Variants in ZNF536 observed in about 807,000 individuals in gnomAD.
The protein encoded by ZNF536 is zinc finger protein 536.
A neutral mutation model predicts 84.5 loss-of-function variants in ZNF536; 13 were observed. The ratio of observed to expected loss-of-function variants is 0.15; its 90% CI spans 0.10 to 0.24. The LOEUF is 0.24. Among genes scored for constraint, ZNF536 ranks in the 10% least tolerant of loss-of-function variants. ZNF536 has a pLI of 1.00. For missense variants in ZNF536, 1,536 were observed against 1,747.5 expected, an observed-to-expected ratio of 0.88 and a Z score of 2.16; for synonymous variants, 811 against 742.5, an observed-to-expected ratio of 1.09 and a Z score of -1.50.
At position 30,249,380 on chromosome 19, in the gene ZNF536, G is replaced by GGGA. The variant is rs1451688827; in HGVS notation, c.-190+20720_-190+20722dup. On this transcript the variant is annotated intron_variant, in intron 1 of 5. Transcript: ENST00000585628. ...GAGGGGGAGGGGGACAAGGAGGAGG[G>GGGA]GGAGGAGGAGGAGGATATTTTAACA... Among the ~76,000 whole-genome samples, 388 of 150,386 alleles carry GGGA rather than the reference G, an allele frequency of 2.6e-3. 4 individuals are homozygous for GGGA. Among genetic ancestry groups the GGGA allele is most frequent in the African/African-American group, 8.8e-3 (363 of 41,038 alleles).
At chr19:30,456,059 G>A (rs1285676965) in intron 2 of ZNF536, among the ~76,000 whole-genome samples, 2 of 152,204 alleles carry the variant, frequency 1.3e-5, no homozygotes, top group African/African-American at 2.4e-5. Context: ...ATAAATAAGA[G>A]TGTGATGGTA....
intron 1 of ZNF536, among the ~76,000 whole-genome samples, chr19:30,686,712 T>A (rs2051200296): frequency 6.6e-6 from 1 of 152,194 alleles, no homozygotes; most frequent in African/African-American, 2.4e-5. Context: ...TGAGCTCCTC[T>A]GTCATCTCTC....
chr19:30,317,502 C>T (rs533183405), intron 2 of ZNF536, among the ~76,000 whole-genome samples: 1 of 152,292 alleles, frequency 6.6e-6, no homozygotes, highest in East Asian at 1.9e-4. Context: ...TCCAGCGGCC[C>T]GAGGAGTGGG....
At chr19:30,391,342 C>T (rs8108390) in intron 1 of ZNF536, among the ~76,000 whole-genome samples, 14,369 of 152,172 alleles carry the variant, frequency 0.094, 2,260 homozygotes, top group African/African-American at 0.32. Flanking sequence ...TTTGGGAGGC[C>T]GAGGTGGGTC....
intron 2 of ZNF536, among the ~76,000 whole-genome samples, chr19:30,298,947 A>G (rs1452438632): frequency 6.6e-6 from 1 of 152,172 alleles, no homozygotes; most frequent in East Asian, 1.9e-4. Context: ...CCAATTCTGA[A>G]GTTGTAGCAC....
chr19:30,355,735 G>A (rs1174153192), intron 3 of ZNF536, among the ~76,000 whole-genome samples: 2 of 152,068 alleles, frequency 1.3e-5, no homozygotes, highest in Non-Finnish European at 2.9e-5. Context: ...TACTGCCTGA[G>A]CTCCACCTCC....
rs201509744 is a variant in ZNF536, at chr19:30,352,919, CAA to C, written c.-3+436_-3+437del. Among the ~76,000 whole-genome samples, 945 of 152,298 alleles carry C rather than the reference CAA, an allele frequency of 6.2e-3. 2 individuals are homozygous for C. Among genetic ancestry groups the C allele is most frequent in the Middle Eastern group, 0.034 (10 of 294 alleles). ...GCTGTTATTTTGAGTAGTTTTGATACAACCAAATCAAAGTGAAGATTTGAAAT... is the reference window on the plus strand; with the variant it reads ...GCTGTTATTTTGAGTAGTTTTGATACCCAAATCAAAGTGAAGATTTGAAAT... On this transcript the variant is annotated intron_variant, in intron 3 of 5. Coordinates refer to the ZNF536 transcript ENST00000585628.
At chr19:30,701,206 C>T (rs1473989131) in intron 1 of ZNF536, among the ~76,000 whole-genome samples, 1 of 151,828 alleles carries the variant, frequency 6.6e-6, no homozygotes, top group Non-Finnish European at 1.5e-5. Context: ...CACACACACA[C>T]ACACACACAC....
intron 1 of ZNF536, among the ~76,000 whole-genome samples, chr19:30,409,183 C>T (rs1045710978): frequency 2.0e-5 from 3 of 152,182 alleles, no homozygotes; most frequent in Non-Finnish European, 4.4e-5. Context: ...ACATTCATCT[C>T]TGGTATGTAG....
Position 30,548,902 on chromosome 19 carries a change from G to T in ZNF536, c.3283G>T (p.Ala1095Ser), listed in dbSNP as rs774780132. Residue 1095 changes from alanine to serine, a missense_variant, in exon 4 of 5, where the codon GCA becomes TCA. Ala to Ser is a moderately conservative substitution (Grantham distance 99, BLOSUM62 1). Around this residue, in one of 8 missense-constraint regions of ZNF536, gnomAD observed 624 missense variants for 603.1 expected, o/e 1.03. Transcript: ENST00000355537. Reference protein sequence around the residue: ...KETLGEQKSGAWTGHVDPAFC... With the variant: ...KETLGEQKSGSWTGHVDPAFC... The stretch of plus-strand genomic sequence containing the variant: ...GACTCTGGGAGAGCAGAAGAGCGGT[G>T]CATGGACCGGCCACGTGGACCCTGC... 6.2e-7 allele frequency: 1 copy of T among 1,614,132 alleles called. No individual in the cohort carries two copies. Among genetic ancestry groups the T allele is most frequent in the East Asian group, 2.2e-5 (1 of 44,858 alleles).
rs2146197370 is a variant in ZNF536, at chr19:30,548,351, G to T, written c.2732G>T (p.Gly911Val). 1.2e-6 allele frequency: 2 copies of T among 1,614,010 alleles called. No individual in the cohort carries two copies. The change falls in exon 4 of 5, where the codon GGT becomes GTT. Residue 911 changes from glycine to valine, a missense_variant. Gly to Val is a moderately radical substitution (Grantham distance 109). Around this residue, in one of 8 missense-constraint regions of ZNF536, gnomAD observed 624 missense variants for 603.1 expected, o/e 1.03. Coordinates refer to ENST00000355537, the MANE Select transcript of ZNF536 (RefSeq NM_014717.3). ...GCTTATCAAAGCATTGTGAGCAACG[G>T]TGTGAATTTCCAAGGGTCCTTGCAA... ...GRAYQSIVSNGVNFQGSLQAF... is the reference protein window; with the variant it reads ...GRAYQSIVSNVVNFQGSLQAF...
intron 1 of ZNF536, among the ~76,000 whole-genome samples, chr19:30,416,068 C>A (rs1035678472): frequency 6.6e-5 from 10 of 152,166 alleles, no homozygotes; most frequent in African/African-American, 2.4e-4. Flanking sequence ...TCTTTCATGT[C>A]AGGAATTTGG....
intron 2 of ZNF536, among the ~76,000 whole-genome samples, chr19:30,328,412 C>A (rs1180916967): frequency 6.6e-6 from 1 of 152,228 alleles, no homozygotes; most frequent in East Asian, 1.9e-4. Flanking sequence ...AAGAGGAACT[C>A]ATGGGCCTCT....
intron 2 of ZNF536, among the ~76,000 whole-genome samples, chr19:30,338,034 A>G (rs913716212): frequency 2.0e-5 from 3 of 150,934 alleles, no homozygotes; most frequent in Non-Finnish European, 3.0e-5. Context: ...GATTATGATG[A>G]CAGTGGTGAT....
intron 1 of ZNF536, among the ~76,000 whole-genome samples, chr19:30,646,089 C>T (rs2049455784): frequency 6.6e-6 from 1 of 152,088 alleles, no homozygotes; most frequent in African/African-American, 2.4e-5. Context: ...GGATTTCTGC[C>T]ATTATTTTTT....
At chr19:30,370,390 T>C (rs1242339419), upstream of ZNF536, among the ~76,000 whole-genome samples, 2 of 152,202 alleles carry the variant, frequency 1.3e-5, no homozygotes, top group African/African-American at 4.8e-5. Context: ...CCCCAGGGTG[T>C]TTTTGTTCTT....
chr19:30,558,062 G>A (rs1475953430), downstream of ZNF536: 1 of 152,036 alleles, frequency 6.6e-6, no homozygotes, highest in Non-Finnish European at 1.5e-5. Flanking sequence ...AAACATTAGT[G>A]CAGTTTGGAG....
chr19:30,601,469 T>C (rs1173093348), intron 1 of ZNF536, among the ~76,000 whole-genome samples: 1 of 152,182 alleles, frequency 6.6e-6, no homozygotes, highest in Non-Finnish European at 1.5e-5. Flanking sequence ...CTGAGGTCTC[T>C]GGGCTACGCT....
At chr19:30,470,093 G>A (rs1323023650) in intron 2 of ZNF536, among the ~76,000 whole-genome samples, 1 of 152,236 alleles carries the variant, frequency 6.6e-6, no homozygotes, top group Non-Finnish European at 1.5e-5. Context: ...TGAGTCCTGA[G>A]GGAGGGGTTT....
Sources: allele counts gnomAD v4.1 joint callset (sites outside exome capture counted in the v4.1 genomes callset), GRCh38; gene constraint gnomAD v4.1.1; regional missense constraint gnomAD v4.1.1; transcripts MANE v1.5; gene names NCBI Gene and HGNC (gene_info 2026-07-23, HGNC 2026-07-21).